The following ACCSL variants were observed in gnomAD, a reference collection of about 807,000 sequenced individuals.
The protein encoded by ACCSL is 1-aminocyclopropane-1-carboxylate synthase homolog (inactive) like, also known as probable inactive 1-aminocyclopropane-1-carboxylate synthase-like protein 2.
A neutral mutation model predicts 61.7 loss-of-function variants in ACCSL; 55 were observed. That is an observed-to-expected ratio of 0.89 (90% CI 0.72 to 1.12). The LOEUF is 1.12. Among genes scored for constraint, ACCSL ranks in the 50% most tolerant of loss-of-function variants. The pLI is 0.00. For missense variants in ACCSL, 632 were observed against 698.0 expected, an observed-to-expected ratio of 0.91 and a Z score of 1.07; for synonymous variants, 258 against 264.3, an observed-to-expected ratio of 0.98 and a Z score of 0.23.
chr11:43,953,860 G>C, the ACCSL span, among the ~76,000 whole-genome samples: 1 of 152,128 alleles, frequency 6.6e-6, no homozygotes, highest in African/African-American at 2.4e-5. Context: ...TGGTGTAGCC[G>C]TTCCCTATTC....
chr11:44,044,926 C>T (rs867675539), upstream of ACCSL, among the ~76,000 whole-genome samples: 4 of 152,024 alleles, frequency 2.6e-5, no homozygotes, highest in Admixed American at 2.0e-4. Flanking sequence ...GGGAGGCTGA[C>T]GAATACTGAA....
At chr11:43,990,924 A>T in the ACCSL span, among the ~76,000 whole-genome samples, 1 of 152,236 alleles carries the variant, frequency 6.6e-6, no homozygotes, top group African/African-American at 2.4e-5. Flanking sequence ...TGCAAAAATT[A>T]TCCAGGTATG....
the ACCSL span, among the ~76,000 whole-genome samples, chr11:43,992,921 C>T: frequency 0.049 from 7,472 of 152,256 alleles, 414 homozygotes; most frequent in East Asian, 0.32. Context: ...TAGCTCTCTC[C>T]GTCGTGTGGC....
rs1167706681 is a variant in ACCSL at position 44,055,294 on chromosome 11, G to A, written c.1139+3G>A. The A allele has an allele frequency of 6.2e-7, 1 of 1,611,376 alleles. No individual in the cohort carries two copies. Among genetic ancestry groups the A allele is most frequent in the Non-Finnish European group, 8.5e-7 (1 of 1,178,058 alleles). ...CACAGCATTCTGAGCATGAAAAGGTGAGCTGGTCTCAGCTGGAGTTGGGAA... is the reference window on the plus strand; with the variant it reads ...CACAGCATTCTGAGCATGAAAAGGTAAGCTGGTCTCAGCTGGAGTTGGGAA... On this transcript the variant is annotated splice_donor_region_variant and intron_variant, in intron 9 of 13. Coordinates refer to ENST00000378832, the MANE Select transcript of ACCSL (RefSeq NM_001031854.2).
At chr11:43,944,217 G>C in the ACCSL span, 1 of 179,398 alleles carries the variant, frequency 5.6e-6, no homozygotes, top group Admixed American at 5.4e-5. Flanking sequence ...CAGAGCTGGG[G>C]TCAGGGTCCT....
At chr11:43,950,618 C>T in the ACCSL span, among the ~76,000 whole-genome samples, 2 of 152,206 alleles carry the variant, frequency 1.3e-5, no homozygotes, top group South Asian at 2.1e-4. Context: ...CCCTCCCTAC[C>T]GGTATTCTCT....
the ACCSL span, among the ~76,000 whole-genome samples, chr11:43,949,114 G>GTGAC: frequency 6.6e-6 from 1 of 152,166 alleles, no homozygotes; most frequent in African/African-American, 2.4e-5. Context: ...CTCCTTCTGT[G>GTGAC]TGACTGCACA....
the ACCSL span, among the ~76,000 whole-genome samples, chr11:43,964,956 G>A: frequency 6.6e-6 from 1 of 152,248 alleles, no homozygotes; most frequent in African/African-American, 2.4e-5. Context: ...ACCAGGTAAA[G>A]GACATTTATG....
Position 44,053,424 on chromosome 11 carries a change from CT to C in ACCSL, c.969del (p.Val324CysfsTer2). ...TTCTTAGGGGAAAAAGGTCCGAGGCCTTGTGCTAATCAACCCTCAGAATCCT... is the reference window on the plus strand; with the variant it reads ...TTCTTAGGGGAAAAAGGTCCGAGGCCTGTGCTAATCAACCCTCAGAATCCT... Reference protein sequence around the residue: ...ARLEGKKVRGLVLINPQNPLG... With the variant: ...ARLEGKKVRGXVLINPQNPLG... On this transcript the variant is annotated frameshift_variant, in exon 8 of 14. Transcript: ENST00000378832. LOFTEE classifies it high-confidence loss of function. The C allele has an allele frequency of 6.2e-7, 1 of 1,614,156 alleles. No homozygotes were observed.
chr11:43,961,170 GT>G, the ACCSL span, among the ~76,000 whole-genome samples: 1 of 152,026 alleles, frequency 6.6e-6, no homozygotes, highest in South Asian at 2.1e-4. Context: ...GTGGCCAGAT[GT>G]TTTCTATAGT....
chr11:43,978,596 G>A, the ACCSL span, among the ~76,000 whole-genome samples: 1 of 152,000 alleles, frequency 6.6e-6, no homozygotes, highest in Admixed American at 6.6e-5. Flanking sequence ...ACATCTACAG[G>A]TAGGCTTTGT....
the ACCSL span, among the ~76,000 whole-genome samples, chr11:44,042,018 A>G: frequency 6.6e-6 from 1 of 152,220 alleles, no homozygotes; most frequent in African/African-American, 2.4e-5. Context: ...CTAGTCTTAC[A>G]TTCTCATATA....
the ACCSL span, among the ~76,000 whole-genome samples, chr11:43,996,035 G>A: frequency 6.6e-6 from 1 of 152,188 alleles, no homozygotes; most frequent in African/African-American, 2.4e-5. Flanking sequence ...GACACAGAGG[G>A]AAGACCATGT....
At chr11:43,939,420 T>C in the ACCSL span, among the ~76,000 whole-genome samples, 1 of 152,198 alleles carries the variant, frequency 6.6e-6, no homozygotes, top group African/African-American at 2.4e-5. Flanking sequence ...TAGAAATTGC[T>C]TTTTCTCTCA....
At chr11:43,996,439 G>A in the ACCSL span, among the ~76,000 whole-genome samples, 1 of 152,190 alleles carries the variant, frequency 6.6e-6, no homozygotes, top group African/African-American at 2.4e-5. Flanking sequence ...GCTTGGTGAG[G>A]ATGGGGCAGA....
the ACCSL span, among the ~76,000 whole-genome samples, chr11:43,980,851 A>G: frequency 2.1e-5 from 3 of 142,198 alleles, no homozygotes; most frequent in East Asian, 1.9e-4. Context: ...GGTAAGCGCT[A>G]TTATCATCAT....
the ACCSL span, among the ~76,000 whole-genome samples, chr11:44,017,822 C>T: frequency 2.4e-5 from 3 of 122,650 alleles, no homozygotes; most frequent in East Asian, 6.1e-4. Flanking sequence ...GATGACTGAC[C>T]CTGGGAGAGA....
At chr11:43,937,163 G>A in the ACCSL span, among the ~76,000 whole-genome samples, 365 of 152,234 alleles carry the variant, frequency 2.4e-3, 3 homozygotes, top group Non-Finnish European at 1.6e-3. Context: ...GTGGAAGCAG[G>A]GCACATGTGG....
chr11:43,977,594 T>A, the ACCSL span, among the ~76,000 whole-genome samples: 1 of 152,234 alleles, frequency 6.6e-6, no homozygotes, highest in Non-Finnish European at 1.5e-5. Context: ...GTGAGACCCA[T>A]TTCAGACTTC....
Sources: gnomAD v4.1 joint callset for allele counts (sites outside exome capture counted in the v4.1 genomes callset) on GRCh38, gnomAD v4.1.1 for gene constraint, MANE v1.5 for transcripts, NCBI Gene and HGNC (gene_info 2026-07-23, HGNC 2026-07-21) for gene names.